The following IFT81 variants were observed in gnomAD, a reference collection of about 807,000 sequenced individuals.
IFT81 encodes intraflagellar transport 81.
A neutral mutation model predicts 102.6 loss-of-function variants in IFT81; 72 were observed. The ratio of observed to expected loss-of-function variants is 0.70; its 90% CI spans 0.58 to 0.85. IFT81 has a LOEUF of 0.85. IFT81 is among the 40% of genes least tolerant of loss of function. IFT81 has a pLI of 0.00. For synonymous variants in IFT81, 237 were observed against 242.7 expected, an observed-to-expected ratio of 0.98 and a Z score of 0.22; for missense variants, 723 against 787.3, an observed-to-expected ratio of 0.92 and a Z score of 0.98.
intron 12 of IFT81, among the ~76,000 whole-genome samples, chr12:110,182,454 G>A (rs1461712695): frequency 6.6e-6 from 1 of 152,026 alleles, no homozygotes; most frequent in Non-Finnish European, 1.5e-5. Context: ...GACTTACTTG[G>A]TGGGATGACC....
At chr12:110,163,100 G>A in intron 11 of IFT81, 35 bp downstream of exon 11, 2 of 1,576,288 alleles carry the variant, frequency 1.3e-6, no homozygotes, top group Non-Finnish European at 1.7e-6. Context: ...AAGGGTATGA[G>A]TATTGTTTTT....
intron 14 of IFT81, among the ~76,000 whole-genome samples, chr12:110,193,372 C>T (rs1897876917): frequency 6.6e-6 from 1 of 152,124 alleles, no homozygotes; most frequent in African/African-American, 2.4e-5. Flanking sequence ...GGTAAAAGCT[C>T]AAAGTCTGCC....
At chr12:110,190,504 A>AT (rs145642923) in intron 12 of IFT81, among the ~76,000 whole-genome samples, 4,485 of 150,350 alleles carry the variant, frequency 0.03, 134 homozygotes, top group African/African-American at 0.08. Flanking sequence ...GAGGGAAGGG[A>AT]TTTTTTTTTT....
At chr12:110,190,130 CT>C (rs1897722467) in intron 12 of IFT81, among the ~76,000 whole-genome samples, 1 of 152,164 alleles carries the variant, frequency 6.6e-6, no homozygotes, top group African/African-American at 2.4e-5. Context: ...AAACAAAGCT[CT>C]TTCATCAGCT....
At position 110,124,524 on chromosome 12, in the gene IFT81, C is replaced by G. The variant is rs925843276; in HGVS notation, c.-359C>G. The stretch of plus-strand genomic sequence containing the variant: ...CTCCCGTCCTCTCTCGGTCCTGATG[C>G]AGCACCTCGCAAGTGGAAGGGGTCG... On this transcript the variant is annotated 5_prime_UTR_variant, in exon 1 of 19. Coordinates refer to ENST00000242591, the MANE Select transcript of IFT81 (RefSeq NM_014055.4). The G allele has an allele frequency of 6.6e-6, 1 of 152,258 alleles. No homozygotes were observed. Among genetic ancestry groups the G allele is most frequent in the African/African-American group, 2.4e-5 (1 of 41,446 alleles). 9.4% of individuals were successfully genotyped at this position (152,258 alleles called of 1,614,324 possible).
chr12:110,126,217 G>T (rs563685421), intron 1 of IFT81, among the ~76,000 whole-genome samples: 13 of 150,486 alleles, frequency 8.6e-5, no homozygotes, highest in Admixed American at 7.3e-4. Flanking sequence ...GGCGGAGCTT[G>T]CAGTGAGCCA....
chr12:110,210,169 A>G (rs941522724), intron 18 of IFT81, among the ~76,000 whole-genome samples: 5 of 152,192 alleles, frequency 3.3e-5, no homozygotes, highest in African/African-American at 1.2e-4. Flanking sequence ...TATACTTACT[A>G]ATAATTCAGA....
At chr12:110,210,493 T>G (rs901445471) in intron 18 of IFT81, among the ~76,000 whole-genome samples, 6 of 152,008 alleles carry the variant, frequency 3.9e-5, no homozygotes, top group Non-Finnish European at 8.8e-5. Context: ...AATCCCAGCA[T>G]TTTGGGAGGC....
chr12:110,154,914 A>T (rs1895754522), intron 10 of IFT81, among the ~76,000 whole-genome samples: 1 of 150,920 alleles, frequency 6.6e-6, no homozygotes, highest in Non-Finnish European at 1.5e-5. Flanking sequence ...TTTGTTGTTT[A>T]AGTCCTGTAT....
intron 12 of IFT81, among the ~76,000 whole-genome samples, chr12:110,184,021 CT>C (rs779306265): frequency 2.8e-4 from 42 of 152,174 alleles, no homozygotes; most frequent in Non-Finnish European, 5.1e-4. Flanking sequence ...CTTTAAAGCC[CT>C]TAAGGAGGTT....
intron 14 of IFT81, among the ~76,000 whole-genome samples, chr12:110,202,250 G>A (rs568178737): frequency 1.3e-5 from 2 of 152,244 alleles, no homozygotes; most frequent in Admixed American, 6.5e-5. Flanking sequence ...CATATATGTG[G>A]TCCGTTGTGA....
intron 7 of IFT81, among the ~76,000 whole-genome samples, 196 bp downstream of exon 7, chr12:110,135,633 C>G (rs1894448500): frequency 6.6e-6 from 1 of 152,096 alleles, no homozygotes; most frequent in Non-Finnish European, 1.5e-5. Flanking sequence ...CTTTGGGAGG[C>G]TGAGGCGGGC....
At chr12:110,199,610 G>A (rs542549053) in intron 14 of IFT81, among the ~76,000 whole-genome samples, 6 of 152,244 alleles carry the variant, frequency 3.9e-5, no homozygotes, top group South Asian at 2.1e-4. Flanking sequence ...ACCTAAGTAC[G>A]TAGGCTCTGC....
rs7299230 is a variant in IFT81 at position 110,180,707 on chromosome 12, A to T, written c.1338+136A>T. On this transcript the variant is annotated intron_variant, in intron 12 of 18. Transcript: ENST00000242591. ...TTTTCTCTGATTAATTACAGACATG[A>T]CATATAAGTTGATTCATTTATTTTT... 64,998 of 551,154 alleles carry T rather than the reference A, an allele frequency of 0.12. 5,959 individuals are homozygous for T. Among genetic ancestry groups the T allele is most frequent in the African/African-American group, 0.37 (19,582 of 53,190 alleles). 34.1% of individuals were successfully genotyped at this position (551,154 alleles called of 1,614,324 possible).
At chr12:110,182,195 G>A (rs1170460549) in intron 12 of IFT81, among the ~76,000 whole-genome samples, 1 of 152,142 alleles carries the variant, frequency 6.6e-6, no homozygotes, top group Non-Finnish European at 1.5e-5. Flanking sequence ...ATCTACTACA[G>A]TTCACCCCTT....
Position 110,203,887 on chromosome 12 carries a change from A to G in IFT81, c.1581A>G (p.Glu527=). The G allele has an allele frequency of 6.2e-7, 1 of 1,613,464 alleles. No individual in the cohort carries two copies. The highest frequency in any genetic ancestry group is 2.2e-5 in the East Asian group (1 of 44,882). Residue 527 remains glutamate (E), a synonymous_variant, in exon 15 of 19, where the codon GAA becomes GAG. Transcript: ENST00000242591. ...KYQELTQECD[E]KKSQYDSCAA... is the part of the protein sequence containing the mutation. ...AGGAACTGACCCAGGAGTGTGATGA[A>G]AAGAAATCCCAGTATGATAGCTGTG...
rs573702387 is a variant in IFT81, at chr12:110,174,457, GA to G, written c.1189-5945del. ...GAGACAAGAGCAAGACTCCGTCTCA[GA>G]AAAAAAAAAAAAAAAAAAATGGCTT... On this transcript the variant is annotated intron_variant, in intron 11 of 18. Transcript: ENST00000242591. Among the ~76,000 whole-genome samples the G allele has an allele frequency of 8.5e-3, 472 of 55,216 alleles. 1 individual carries two copies. The highest frequency in any genetic ancestry group is 0.025 in the Middle Eastern group (2 of 80). The allele number at this position is 55,216 out of a possible 152,430, so 36.2% of individuals were successfully genotyped here.
intron 17 of IFT81, among the ~76,000 whole-genome samples, chr12:110,207,520 C>T (rs1487745965): frequency 7.0e-6 from 1 of 142,006 alleles, no homozygotes; most frequent in Non-Finnish European, 1.5e-5. Context: ...ACAGTCTCTT[C>T]TTTGTTCTGT....
chr12:110,200,732 G>A (rs1566165636), intron 14 of IFT81, among the ~76,000 whole-genome samples: 4 of 151,902 alleles, frequency 2.6e-5, no homozygotes, highest in Non-Finnish European at 2.9e-5. Context: ...GGCGGATGAC[G>A]AGGTCAGGAG....
Sources: allele counts gnomAD v4.1 joint callset (sites outside exome capture counted in the v4.1 genomes callset), GRCh38; gene constraint gnomAD v4.1.1; transcripts MANE v1.5; gene names NCBI Gene and HGNC (gene_info 2026-07-23, HGNC 2026-07-21).